The following SDCCAG8 variants were observed in gnomAD, a reference collection of about 807,000 sequenced individuals.
The protein encoded by SDCCAG8 is serologically defined colon cancer antigen 8.
Under a neutral mutation model 101.8 loss-of-function variants are expected in SDCCAG8, and 74 were observed. The observed-to-expected ratio is 0.73, with a 90% CI of 0.60 to 0.88. The LOEUF (loss-of-function observed/expected upper bound fraction) is 0.88. Among genes scored for constraint, SDCCAG8 ranks in the 40% least tolerant of loss-of-function variants. SDCCAG8 has a pLI of 0.00. For missense variants in SDCCAG8, 787 were observed against 822.6 expected, an observed-to-expected ratio of 0.96 and a Z score of 0.53; for synonymous variants, 281 against 292.9, an observed-to-expected ratio of 0.96 and a Z score of 0.41.
intron 16 of SDCCAG8, among the ~76,000 whole-genome samples, chr1:243,427,933 C>T (rs564535049): frequency 3.3e-5 from 5 of 152,260 alleles, no homozygotes; most frequent in African/African-American, 9.6e-5. Context: ...ACGTGGTCTC[C>T]GTGGCATAGT....
chr1:243,495,766 C>T (rs1667696252), intron 17 of SDCCAG8, among the ~76,000 whole-genome samples: 5 of 152,172 alleles, frequency 3.3e-5, no homozygotes, highest in Admixed American at 3.3e-4. Flanking sequence ...GCACCTCTCT[C>T]CTCAGTGCGT....
intron 13 of SDCCAG8, among the ~76,000 whole-genome samples, chr1:243,389,882 C>T (rs2078593332): frequency 6.6e-6 from 1 of 152,226 alleles, no homozygotes; most frequent in African/African-American, 2.4e-5. Flanking sequence ...TGTAAAATCT[C>T]AGCACCCAGA....
At chr1:243,352,953 A>G (rs778097305) in intron 12 of SDCCAG8, among the ~76,000 whole-genome samples, 1 of 152,192 alleles carries the variant, frequency 6.6e-6, no homozygotes, top group Non-Finnish European at 1.5e-5. Context: ...AGTAAGTTAG[A>G]TTTTGAGAAC....
At chr1:243,332,861 G>A (rs1196089024) in intron 10 of SDCCAG8, among the ~76,000 whole-genome samples, 2 of 151,760 alleles carry the variant, frequency 1.3e-5, no homozygotes, top group South Asian at 2.1e-4. Context: ...GGTGGTTATC[G>A]TAGTCCAGGT....
intron 3 of SDCCAG8, among the ~76,000 whole-genome samples, chr1:243,271,457 T>C (rs1268844953): frequency 6.6e-6 from 1 of 151,506 alleles, no homozygotes; most frequent in Non-Finnish European, 1.5e-5. Flanking sequence ...TTGATCATTT[T>C]TAGAAGTTAC....
chr1:243,489,786 C>G (rs768971967), intron 17 of SDCCAG8, among the ~76,000 whole-genome samples: 3 of 152,190 alleles, frequency 2.0e-5, no homozygotes, highest in Non-Finnish European at 4.4e-5. Flanking sequence ...ACACCGCAAA[C>G]GGAGGCTAAG....
chr1:243,365,326 A>G (rs948591698), intron 12 of SDCCAG8, among the ~76,000 whole-genome samples: 3 of 152,278 alleles, frequency 2.0e-5, no homozygotes, highest in South Asian at 2.1e-4. Context: ...TTTACTCCCA[A>G]ATGTTTTTGG....
chr1:243,414,939 A>C (rs2080465581), intron 13 of SDCCAG8, among the ~76,000 whole-genome samples: 1 of 151,662 alleles, frequency 6.6e-6, no homozygotes, highest in Admixed American at 6.6e-5. Flanking sequence ...GGTCCTTTGC[A>C]TTCCCCAGGT....
intron 8 of SDCCAG8, among the ~76,000 whole-genome samples, chr1:243,313,787 G>C (rs1468444605): frequency 2.0e-5 from 3 of 152,222 alleles, no homozygotes; most frequent in Non-Finnish European, 2.9e-5. Context: ...GGCTGGACCT[G>C]TGGATTGCGG....
chr1:243,274,939 G>A (rs1445513678), intron 4 of SDCCAG8, among the ~76,000 whole-genome samples: 1 of 152,036 alleles, frequency 6.6e-6, no homozygotes, highest in Non-Finnish European at 1.5e-5. Context: ...TTCTCACCCC[G>A]CTTGCTGTAG....
At chr1:243,297,587 C>G (rs1226578637) in intron 6 of SDCCAG8, among the ~76,000 whole-genome samples, 2 of 151,950 alleles carry the variant, frequency 1.3e-5, no homozygotes, top group Non-Finnish European at 2.9e-5. Context: ...TGAGTGATAC[C>G]TTTGCTCCAT....
At chr1:243,400,806 T>A (rs2079341238) in intron 13 of SDCCAG8, among the ~76,000 whole-genome samples, 1 of 152,214 alleles carries the variant, frequency 6.6e-6, no homozygotes, top group Non-Finnish European at 1.5e-5. Flanking sequence ...GTGGATGCTC[T>A]CCTGTATAAA....
chr1:243,269,302 A>AT (rs35934186), intron 1 of SDCCAG8: 39,644 of 120,480 alleles, frequency 0.33, 6,297 homozygotes, highest in South Asian at 0.52. Flanking sequence ...CTTGGAGGCT[A>AT]TTTTTTTTTT....
At chr1:243,308,767 T>C (rs767795733) in intron 8 of SDCCAG8, among the ~76,000 whole-genome samples, 2 of 152,256 alleles carry the variant, frequency 1.3e-5, no homozygotes, top group Non-Finnish European at 2.9e-5. Flanking sequence ...ATCTGTTTTG[T>C]TGTTTTCACT....
intron 16 of SDCCAG8, among the ~76,000 whole-genome samples, chr1:243,455,911 G>C (rs1372389606): frequency 1.3e-5 from 2 of 152,112 alleles, no homozygotes; most frequent in Non-Finnish European, 2.9e-5. Context: ...TTTCTCATTT[G>C]TCCAAATATT....
At chr1:243,288,189 A>G (rs2069821218) in intron 5 of SDCCAG8, among the ~76,000 whole-genome samples, 3 of 152,176 alleles carry the variant, frequency 2.0e-5, no homozygotes, top group Admixed American at 2.0e-4. Context: ...TCAAGGCCAG[A>G]TACAGTGTCT....
intron 16 of SDCCAG8, among the ~76,000 whole-genome samples, chr1:243,478,038 G>C (rs913036069): frequency 6.6e-6 from 1 of 152,180 alleles, no homozygotes; most frequent in African/African-American, 2.4e-5. Context: ...AATCAAGTCT[G>C]GTTCTCCTCA....
intron 12 of SDCCAG8, among the ~76,000 whole-genome samples, chr1:243,357,038 G>A (rs1391041168): frequency 6.6e-6 from 1 of 151,654 alleles, no homozygotes; most frequent in African/African-American, 2.4e-5. Context: ...ATGTACTTTG[G>A]CATTTTTCAG....
intron 12 of SDCCAG8, among the ~76,000 whole-genome samples, chr1:243,373,154 AT>A (rs1442109594): frequency 6.6e-6 from 1 of 152,024 alleles, no homozygotes; most frequent in African/African-American, 2.4e-5. Flanking sequence ...GGCCAAAAAA[AT>A]GTTTGAAAGC....
Sources: allele counts gnomAD v4.1 joint callset (sites outside exome capture counted in the v4.1 genomes callset), GRCh38; gene constraint gnomAD v4.1.1; transcripts MANE v1.5; gene names NCBI Gene and HGNC (gene_info 2026-07-23, HGNC 2026-07-21).